The following CAMKK2 variants were observed in gnomAD, a reference collection of about 807,000 sequenced individuals.
CAMKK2 encodes the protein calcium/calmodulin-dependent protein kinase kinase 2.
A neutral mutation model predicts 67.2 loss-of-function variants in CAMKK2; 30 were observed. The observed-to-expected ratio is 0.45, with a 90% CI of 0.33 to 0.61. The LOEUF (loss-of-function observed/expected upper bound fraction) is 0.61. CAMKK2 is among the 20% of genes least tolerant of loss of function. CAMKK2 has a pLI of 0.02. For synonymous variants in CAMKK2, 322 were observed against 326.2 expected (o/e 0.99, Z 0.14); for missense variants, 643 against 802.0 (o/e 0.80, Z 2.39).
At chr12:121,291,340 C>A (rs1212817152) in intron 1 of CAMKK2, among the ~76,000 whole-genome samples, 1 of 152,152 alleles carries the variant, frequency 6.6e-6, no homozygotes, top group Non-Finnish European at 1.5e-5. Context: ...GACAAAGTAG[C>A]CTTAAGACGC....
intron 11 of CAMKK2, among the ~76,000 whole-genome samples, chr12:121,252,047 G>A (rs897541478): frequency 3.9e-5 from 6 of 152,166 alleles, no homozygotes; most frequent in African/African-American, 1.4e-4. Context: ...CACAGTTATT[G>A]ATTAGTGATG....
rs576704681 is a variant in CAMKK2 at position 121,247,168 on chromosome 12, C to T, written c.1452+1438G>A. On this transcript the variant is annotated intron_variant, in intron 14 of 16. Transcript: ENST00000404169. ...CGGAGTTAACACCCTACCATCCTCT[C>T]GGTGTCTATCCACTTCTTCCCAGTG... Among the ~76,000 whole-genome samples the T allele has an allele frequency of 2.0e-5, 3 of 152,164 alleles. 1 individual carries two copies. The highest frequency in any genetic ancestry group is 1.9e-4 in the East Asian group (1 of 5,184).
chr12:121,280,224 A>G (rs551105555), intron 1 of CAMKK2, among the ~76,000 whole-genome samples: 1 of 152,370 alleles, frequency 6.6e-6, no homozygotes, highest in Non-Finnish European at 1.5e-5. Context: ...CCAAATTAAT[A>G]CTTTTGTAAT....
chr12:121,248,022 G>A (rs1889854908), intron 14 of CAMKK2, among the ~76,000 whole-genome samples: 1 of 152,198 alleles, frequency 6.6e-6, no homozygotes, highest in Non-Finnish European at 1.5e-5. Flanking sequence ...GACTTGGTCA[G>A]TGGCGATTCC....
Position 121,250,010 on chromosome 12 carries a change from T to C in CAMKK2, c.1186A>G (p.Met396Val), listed in dbSNP as rs1419365528. The change falls in exon 12 of 17, where the codon ATG becomes GTG. Residue 396 changes from methionine to valine, a missense_variant. Met to Val is a conservative substitution (Grantham distance 21). Transcript: ENST00000404169. The stretch of plus-strand genomic sequence containing the variant: ...CTCTTGATCTTACTGTGTAAACACA[T>C]GATCCGCTCGTCCATGAATGGGCAC... ...GQCPFMDERI[M>V]CLHSKIKSQA... 19 of 1,613,770 alleles carry C rather than the reference T, an allele frequency of 1.2e-5. No homozygotes were observed. Among genetic ancestry groups the C allele is most frequent in the Non-Finnish European group, 1.6e-5 (19 of 1,179,850 alleles).
At chr12:121,288,571 C>T (rs1899264650) in intron 1 of CAMKK2, among the ~76,000 whole-genome samples, 1 of 152,176 alleles carries the variant, frequency 6.6e-6, no homozygotes, top group Non-Finnish European at 1.5e-5. Context: ...CTCCCTTCTG[C>T]ACCCTGGCCC....
chr12:121,255,441 G>A (rs1892059568), intron 9 of CAMKK2, 109 bp downstream of exon 9: 20 of 727,278 alleles, frequency 2.7e-5, no homozygotes, highest in East Asian at 2.2e-4. Context: ...CAATCCACCC[G>A]CCCACCTCCC....
At chr12:121,277,087 G>A (rs1355016023) in intron 1 of CAMKK2, among the ~76,000 whole-genome samples, 1 of 152,178 alleles carries the variant, frequency 6.6e-6, no homozygotes. Flanking sequence ...GGCCCTCAGC[G>A]CTCTCGGAAC....
intron 16 of CAMKK2, 91 bp downstream of exon 16, chr12:121,244,482 G>T: frequency 8.1e-7 from 1 of 1,238,458 alleles, no homozygotes; most frequent in Non-Finnish European, 1.1e-6. Context: ...AGGAGCATCT[G>T]CCCGGGTGGG....
chr12:121,264,048 G>T, intron 5 of CAMKK2, 109 bp from the exon 6 acceptor site: 1 of 1,062,938 alleles, frequency 9.4e-7, no homozygotes. Flanking sequence ...CCACTCTGCA[G>T]GGCTGGAGTG....
intron 11 of CAMKK2, among the ~76,000 whole-genome samples, chr12:121,252,301 T>C (rs1170292281): frequency 6.6e-6 from 1 of 152,244 alleles, no homozygotes; most frequent in East Asian, 1.9e-4. Context: ...GGAGTCTCGC[T>C]CTTGTTGCCC....
At chr12:121,260,258 C>A (rs958853747) in intron 7 of CAMKK2, 61 bp downstream of exon 7, 2 of 1,436,818 alleles carry the variant, frequency 1.4e-6, no homozygotes, top group Admixed American at 4.2e-5. Context: ...TCGAGAGGAC[C>A]CCTGGGCATT....
chr12:121,251,051 G>T (rs751709535), intron 11 of CAMKK2, among the ~76,000 whole-genome samples: 2 of 152,202 alleles, frequency 1.3e-5, no homozygotes, highest in Non-Finnish European at 2.9e-5. Context: ...TTGGTCATGT[G>T]TGCTGGAAAA....
chr12:121,246,155 G>A (rs527439447), intron 14 of CAMKK2, among the ~76,000 whole-genome samples: 7 of 151,436 alleles, frequency 4.6e-5, no homozygotes, highest in Non-Finnish European at 1.0e-4. Flanking sequence ...GAACTATTGA[G>A]GAGATAATTG....
intron 7 of CAMKK2, among the ~76,000 whole-genome samples, chr12:121,259,107 G>A (rs1369023725): frequency 2.6e-5 from 4 of 152,048 alleles, no homozygotes; most frequent in East Asian, 1.9e-4. Context: ...CTCCCAAAGC[G>A]CTGGGATTAC....
Position 121,253,200 on chromosome 12 carries a change from G to C in CAMKK2, c.1107+73C>G. 2 of 1,345,586 alleles carry C rather than the reference G, an allele frequency of 1.5e-6. No homozygotes were observed. The highest frequency in any genetic ancestry group is 2.1e-6 in the Non-Finnish European group (2 of 943,940). The allele number at this position is 1,345,586 out of a possible 1,614,324, so 83.4% of individuals were successfully genotyped here. On this transcript the variant is annotated intron_variant, in intron 10 of 16. Transcript: ENST00000404169. The surrounding 1 kb of genome is among the most constrained non-coding windows in gnomAD (Gnocchi z 5.0). ...TCACTGTTTAAGCCTGTGTGCGTTG[G>C]GTTTCTGCTGCTTACAATCCAGAAG... is the stretch of plus-strand genomic sequence containing the variant.
rs972200908 is a variant in CAMKK2 at position 121,245,757 on chromosome 12, G to A, written c.1453-517C>T. Reference sequence around the variant, plus strand: ...CCAGGGCACGGTGCCCCTTCAAGCTGTTTTGGGAATTCACAGAGCTTCTGA... The same window carrying A: ...CCAGGGCACGGTGCCCCTTCAAGCTATTTTGGGAATTCACAGAGCTTCTGA... On this transcript the variant is annotated intron_variant, in intron 14 of 16. Coordinates refer to ENST00000404169, the MANE Select transcript of CAMKK2 (RefSeq NM_001270485.2). The surrounding 1 kb of genome is among the most constrained non-coding windows in gnomAD (Gnocchi z 5.8). 2.6e-5 allele frequency among the ~76,000 whole-genome samples: 4 copies of A among 152,240 alleles called. No homozygotes were observed. Among genetic ancestry groups the A allele is most frequent in the Non-Finnish European group, 5.9e-5 (4 of 68,044 alleles).
At chr12:121,242,063 G>A (rs1888482561) in intron 16 of CAMKK2, among the ~76,000 whole-genome samples, 1 of 152,184 alleles carries the variant, frequency 6.6e-6, no homozygotes, top group African/African-American at 2.4e-5. Flanking sequence ...CGGGCACAGT[G>A]GCTCATGCCT....
At chr12:121,249,720 G>T (rs1890263152) in intron 13 of CAMKK2, 67 bp downstream of exon 13, 1 of 1,258,814 alleles carries the variant, frequency 7.9e-7, no homozygotes, top group African/African-American at 1.5e-5. Flanking sequence ...CAAGGGTGTG[G>T]GGTCTGGCTG....
Sources: allele counts gnomAD v4.1 joint callset (sites outside exome capture counted in the v4.1 genomes callset), GRCh38; gene constraint gnomAD v4.1.1; non-coding constraint Gnocchi (gnomAD v3.1); transcripts MANE v1.5; gene names NCBI Gene and HGNC (gene_info 2026-07-23, HGNC 2026-07-21).